Variants in MED12L observed in about 807,000 individuals in gnomAD.
The protein encoded by MED12L is mediator complex subunit 12L, also known as mediator of RNA polymerase II transcription subunit 12-like protein.
Under a neutral mutation model 281.3 loss-of-function variants are expected in MED12L, and 60 were observed. The ratio of observed to expected loss-of-function variants is 0.21; its 90% CI spans 0.17 to 0.26. The LOEUF (loss-of-function observed/expected upper bound fraction) is 0.26, where lower values mean the gene tolerates loss of function less well. MED12L is among the 10% of genes least tolerant of loss of function. The probability of loss-of-function intolerance (pLI) is 1.00; values close to 1 mark genes in which losing one functional copy is unlikely to be tolerated. For missense variants in MED12L, 2,146 were observed against 2,680.9 expected (o/e 0.80, Z 4.41); for synonymous variants, 974 against 987.2 (o/e 0.99, Z 0.25).
intron 16 of MED12L, among the ~76,000 whole-genome samples, chr3:151,334,009 G>A (rs959366278): frequency 3.9e-5 from 6 of 151,922 alleles, no homozygotes; most frequent in African/African-American, 4.8e-5. Context: ...CCCGGGAGGC[G>A]GAGGTTGCAG....
chr3:151,217,071 G>A (rs1196528328), intron 16 of MED12L, among the ~76,000 whole-genome samples: 1 of 152,130 alleles, frequency 6.6e-6, no homozygotes, highest in African/African-American at 2.4e-5. Context: ...AAAAACTGTA[G>A]CTGTTATTTT....
At chr3:151,140,684 A>G (rs1716798527) in intron 5 of MED12L, among the ~76,000 whole-genome samples, 1 of 151,586 alleles carries the variant, frequency 6.6e-6, no homozygotes, top group Non-Finnish European at 1.5e-5. Flanking sequence ...TTATTTATTT[A>G]TTATTTATTT....
chr3:151,427,565 A>T (rs995145701), intron 43 of MED12L, among the ~76,000 whole-genome samples: 1 of 152,250 alleles, frequency 6.6e-6, no homozygotes, highest in African/African-American at 2.4e-5. Flanking sequence ...GAAGGCAGCT[A>T]TGTGTTTGTT....
At chr3:151,097,685 T>G (rs1292164453) in intron 2 of MED12L, among the ~76,000 whole-genome samples, 3 of 152,150 alleles carry the variant, frequency 2.0e-5, no homozygotes, top group African/African-American at 7.2e-5. Flanking sequence ...CTGGAGACAT[T>G]TTGGGTTGCC....
intron 16 of MED12L, among the ~76,000 whole-genome samples, chr3:151,264,823 G>T (rs957697114): frequency 6.6e-6 from 1 of 152,116 alleles, no homozygotes; most frequent in Non-Finnish European, 1.5e-5. Flanking sequence ...CCAGAGTTTG[G>T]TCATGGCCTG....
intron 16 of MED12L, among the ~76,000 whole-genome samples, chr3:151,245,737 C>T (rs1735295200): frequency 9.1e-6 from 1 of 110,484 alleles, no homozygotes; most frequent in African/African-American, 3.4e-5. Flanking sequence ...TCTCACCACT[C>T]CTATTCAACA....
chr3:151,148,806 A>G (rs1384263897), intron 5 of MED12L, among the ~76,000 whole-genome samples: 1 of 152,252 alleles, frequency 6.6e-6, no homozygotes, highest in African/African-American at 2.4e-5. Flanking sequence ...TAGTTTTTTC[A>G]TATATGGTTA....
At chr3:151,199,030 G>T (rs1407568328) in intron 16 of MED12L, 4 of 1,614,032 alleles carry the variant, frequency 2.5e-6, no homozygotes, top group Admixed American at 3.3e-5. Flanking sequence ...AGATCTTGCA[G>T]CTGTGTGTCA....
intron 4 of MED12L, among the ~76,000 whole-genome samples, chr3:151,125,304 A>G (rs1223720123): frequency 6.6e-6 from 1 of 152,098 alleles, no homozygotes; most frequent in Non-Finnish European, 1.5e-5. Context: ...TGTTCTTCTT[A>G]ATTCCGAAGT....
At chr3:151,363,692 TC>T (rs1244648120) in intron 21 of MED12L, among the ~76,000 whole-genome samples, 1 of 152,188 alleles carries the variant, frequency 6.6e-6, no homozygotes, top group African/African-American at 2.4e-5. Context: ...ATGACTTTAG[TC>T]CTCTTTGTTA....
intron 16 of MED12L, among the ~76,000 whole-genome samples, chr3:151,321,748 A>G (rs1749024665): frequency 6.6e-6 from 1 of 152,178 alleles, no homozygotes; most frequent in African/African-American, 2.4e-5. Flanking sequence ...GAACTAGTTT[A>G]CTTCCTTAAG....
intron 9 of MED12L, 121 bp downstream of exon 9, chr3:151,164,163 T>G: frequency 9.5e-7 from 1 of 1,056,760 alleles, no homozygotes; most frequent in Non-Finnish European, 1.4e-6. Flanking sequence ...TTTTGCCTGC[T>G]AACACTCTGG....
intron 16 of MED12L, chr3:151,338,806 T>C (rs1456773476): frequency 1.9e-6 from 3 of 1,613,796 alleles, no homozygotes; most frequent in Middle Eastern, 1.6e-4. Context: ...CACAGACTGG[T>C]GTTACCAGGC....
Position 151,380,455 on chromosome 3 carries a change from G to A in MED12L, c.4590+231G>A, listed in dbSNP as rs182003739. 1.4e-3 allele frequency among the ~76,000 whole-genome samples: 208 copies of A among 152,050 alleles called. 2 individuals carry two copies. The highest frequency in any genetic ancestry group is 4.6e-3 in the African/African-American group (189 of 41,470). ...GTACTAAAAATACAAAAATTAGCCG[G>A]GCATGATGGTGTGCGCCTATGATCC... On this transcript the variant is annotated intron_variant, in intron 32 of 44. Coordinates refer to ENST00000687756, the MANE Select transcript of MED12L (RefSeq NM_001393769.1).
intron 16 of MED12L, among the ~76,000 whole-genome samples, chr3:151,268,722 C>T (rs908894880): frequency 1.3e-5 from 2 of 152,106 alleles, no homozygotes; most frequent in African/African-American, 4.8e-5. Context: ...ATAAGTGAGT[C>T]AGCAGTGTTT....
At chr3:151,331,702 T>C (rs1438327990) in intron 16 of MED12L, among the ~76,000 whole-genome samples, 1 of 152,220 alleles carries the variant, frequency 6.6e-6, no homozygotes, top group African/African-American at 2.4e-5. Context: ...TTTAAGATCC[T>C]ATAGGGCTCT....
At chr3:151,089,376 A>G (rs1420793415) in intron 2 of MED12L, among the ~76,000 whole-genome samples, 1 of 151,812 alleles carries the variant, frequency 6.6e-6, no homozygotes, top group Non-Finnish European at 1.5e-5. Context: ...TGCTGATTTA[A>G]TGGAGGAAGT....
At chr3:151,189,226 G>C (rs1295478710) in intron 13 of MED12L, among the ~76,000 whole-genome samples, 1 of 152,190 alleles carries the variant, frequency 6.6e-6, no homozygotes, top group Admixed American at 6.5e-5. Flanking sequence ...ACTCTTCTGA[G>C]TCCTCTGAGG....
At chr3:151,119,880 AT>A (rs1454872098) in intron 3 of MED12L, among the ~76,000 whole-genome samples, 1 of 152,114 alleles carries the variant, frequency 6.6e-6, no homozygotes, top group Non-Finnish European at 1.5e-5. Flanking sequence ...CAAATGAATT[AT>A]TTTTGAAAAT....
Sources: allele counts gnomAD v4.1 joint callset (sites outside exome capture counted in the v4.1 genomes callset), GRCh38; gene constraint gnomAD v4.1.1; transcripts MANE v1.5; gene names NCBI Gene and HGNC (gene_info 2026-07-23, HGNC 2026-07-21).